PIGZ: variants seen among roughly 807,000 people sequenced by gnomAD.
PIGZ encodes the protein GPI alpha-1,2-mannosyltransferase 4.
In PIGZ, 16 loss-of-function variants were observed where a neutral mutation model predicts 16.4. The ratio of observed to expected loss-of-function variants is 0.97; its 90% CI spans 0.66 to 1.48. The LOEUF (loss-of-function observed/expected upper bound fraction) is 1.48, where lower values mean the gene tolerates loss of function less well. Ranked by LOEUF, PIGZ falls within the 40% of genes most tolerant of loss-of-function variation. The pLI is 0.00. For missense variants in PIGZ, 770 were observed against 739.2 expected, an observed-to-expected ratio of 1.04 and a Z score of -0.48; for synonymous variants, 409 against 338.4, an observed-to-expected ratio of 1.21 and a Z score of -2.29.
intron 1 of PIGZ, among the ~76,000 whole-genome samples, chr3:196,952,823 A>G (rs1211466392): frequency 6.6e-6 from 1 of 152,086 alleles, no homozygotes; most frequent in Non-Finnish European, 1.5e-5. Context: ...TCTGAATAAA[A>G]CAGAAAGGTG....
At chr3:196,953,990 C>CA (rs11295143) in intron 1 of PIGZ, among the ~76,000 whole-genome samples, 1,604 of 145,386 alleles carry the variant, frequency 0.011, 19 homozygotes, top group South Asian at 0.064. Flanking sequence ...AAGACCCTGT[C>CA]AAAAAAAAAA....
At chr3:196,949,256 G>A (rs1717164490) in intron 2 of PIGZ, among the ~76,000 whole-genome samples, 3 of 151,920 alleles carry the variant, frequency 2.0e-5, no homozygotes, top group Non-Finnish European at 4.4e-5. Context: ...CCTGAGATTA[G>A]GTTACTTATA....
At chr3:196,952,161 G>T in intron 1 of PIGZ, 130 bp from the exon 2 acceptor site, 1 of 889,040 alleles carries the variant, frequency 1.1e-6, no homozygotes, top group Non-Finnish European at 1.7e-6. Context: ...CATACTCTAT[G>T]CCCACTAACT....
At chr3:196,963,983 A>G (rs1717818801) in intron 1 of PIGZ, among the ~76,000 whole-genome samples, 1 of 152,152 alleles carries the variant, frequency 6.6e-6, no homozygotes, top group Non-Finnish European at 1.5e-5. Flanking sequence ...GATAATAATA[A>G]GGAATAGTAT....
chr3:196,957,171 TTGTGTG>T (rs3042833), intron 1 of PIGZ, among the ~76,000 whole-genome samples: 29 of 146,702 alleles, frequency 2.0e-4, no homozygotes, highest in African/African-American at 2.8e-4. Flanking sequence ...GCTCCAGGTT[TTGTGTG>T]TGTGTGTGTG....
intron 1 of PIGZ, among the ~76,000 whole-genome samples, chr3:196,953,642 C>T (rs868385241): frequency 6.6e-6 from 1 of 152,204 alleles, no homozygotes; most frequent in Non-Finnish European, 1.5e-5. Context: ...CCTGCTTGTC[C>T]CTCCTCCAGA....
Position 196,951,825 on chromosome 3 carries a change from C to CATCA in PIGZ, c.203_206dup (p.Met69IlefsTer114). 1 of 1,614,124 alleles carries CATCA rather than the reference C, an allele frequency of 6.2e-7. No individual in the cohort carries two copies. The highest frequency in any genetic ancestry group is 8.5e-7 in the Non-Finnish European group (1 of 1,180,020). ...GCCACACATGCGGAGTTTTACCTGC[C>CATCA]ATCACCTCAGGGGACTGGAAGAACT... On this transcript the variant is annotated frameshift_variant, in exon 2 of 3. Transcript: ENST00000412723. LOFTEE classifies it low-confidence loss of function (END_TRUNC).
At chr3:196,952,850 G>T (rs1011254422) in intron 1 of PIGZ, among the ~76,000 whole-genome samples, 1 of 152,168 alleles carries the variant, frequency 6.6e-6, no homozygotes, top group African/African-American at 2.4e-5. Flanking sequence ...GGGTGAATTT[G>T]CACTCTCTTC....
rs778334188 is a variant in PIGZ, at chr3:196,948,087, C to A, written c.810G>T (p.Ala270=). The change falls in exon 3 of 3, where the codon GCG becomes GCT. Residue 270 remains alanine (A), a synonymous_variant. Coordinates refer to ENST00000412723, the MANE Select transcript of PIGZ (RefSeq NM_025163.4). ...VLLPGAALTA[A]VFVATDSWYF... The stretch of plus-strand genomic sequence containing the variant: ...ACCAGCTGTCCGTGGCCACAAACAC[C>A]GCTGCTGTGAGGGCTGCCCCAGGGA... 6.3e-7 allele frequency: 1 copy of A among 1,590,252 alleles called. No individual in the cohort carries two copies. Among genetic ancestry groups the A allele is most frequent in the South Asian group, 1.1e-5 (1 of 87,824 alleles).
At chr3:196,962,547 T>A (rs73208212) in intron 1 of PIGZ, among the ~76,000 whole-genome samples, 1,689 of 152,038 alleles carry the variant, frequency 0.011, 16 homozygotes, top group Non-Finnish European at 0.019. Context: ...CATGATCCCC[T>A]GGGAATGGAA....
intron 2 of PIGZ, among the ~76,000 whole-genome samples, chr3:196,949,652 C>T (rs1397355988): frequency 1.3e-5 from 2 of 152,166 alleles, no homozygotes; most frequent in African/African-American, 2.4e-5. Flanking sequence ...TTGAGCTGCT[C>T]GTAGGATTTT....
chr3:196,957,171 T>TTGTG (rs3042833), intron 1 of PIGZ, among the ~76,000 whole-genome samples: 30,412 of 146,534 alleles, frequency 0.21, 3,152 homozygotes, highest in Middle Eastern at 0.32. Context: ...GCTCCAGGTT[T>TTGTG]TGTGTGTGTG....
Position 196,967,256 on chromosome 3 carries a change from C to T in PIGZ, c.-1+1431G>A, listed in dbSNP as rs530373815. On this transcript the variant is annotated intron_variant, in intron 1 of 2. Coordinates refer to ENST00000412723, the MANE Select transcript of PIGZ (RefSeq NM_025163.4). ...AGGGCCTGGGCCCGCTTTGGGTGCC[C>T]TGTTTCTCCGGCGCCCAGGTGTGTG... Among the ~76,000 whole-genome samples, 37 of 152,292 alleles carry T rather than the reference C, an allele frequency of 2.4e-4. No individual in the cohort carries two copies. The South Asian group carries it at 7.2e-3, about 30-fold the overall frequency.
At chr3:196,962,510 T>C (rs1226641819) in intron 1 of PIGZ, among the ~76,000 whole-genome samples, 1 of 152,158 alleles carries the variant, frequency 6.6e-6, no homozygotes, top group Non-Finnish European at 1.5e-5. Flanking sequence ...GAAGGCCTCT[T>C]TGCAGTTAAG....
chr3:196,955,029 G>A (rs910623411), intron 1 of PIGZ, among the ~76,000 whole-genome samples: 3 of 152,020 alleles, frequency 2.0e-5, no homozygotes, highest in African/African-American at 4.8e-5. Flanking sequence ...GGGATCAAGC[G>A]ATCCTCTGAC....
rs143124347 is a variant in PIGZ, at chr3:196,947,622, G to A, written c.1275C>T (p.Leu425=). ...CCCCCTGATGCAGGCAGCCGAAGAG[G>A]AGGGCACCGAGGGCGTTGAAGAGGA... The part of the protein sequence containing the change: ...TVVLFNALGA[L]LFGCLHQGGL... Residue 425 remains leucine (L), a synonymous_variant, in exon 3 of 3, where the codon CTC becomes CTT. Coordinates refer to ENST00000412723, the MANE Select transcript of PIGZ (RefSeq NM_025163.4). The A allele has an allele frequency of 6.2e-7, 1 of 1,612,914 alleles. No individual in the cohort carries two copies. Among genetic ancestry groups the A allele is most frequent in the Non-Finnish European group, 8.5e-7 (1 of 1,179,310 alleles).
At position 196,948,482 on chromosome 3, in the gene PIGZ, C is replaced by G; in HGVS notation, c.415G>C (p.Ala139Pro). The G allele has an allele frequency of 6.2e-7, 1 of 1,613,752 alleles. No homozygotes were observed. The highest frequency in any genetic ancestry group is 8.5e-7 in the Non-Finnish European group (1 of 1,179,892). The change falls in exon 3 of 3, where the codon GCT (alanine) becomes CCT (proline). Residue 139 changes from alanine to proline, a missense_variant. By Grantham distance (27) the Ala-to-Pro change is conservative. Coordinates refer to ENST00000412723, the MANE Select transcript of PIGZ (RefSeq NM_025163.4). ...PRLLLTALSF[A>P]LDGAVYHLAP... ...AGGTGGTACACGGCCCCGTCCAGAG[C>G]AAAGGAAAGGGCAGTGAGGAGGAGT...
In PIGZ at chr3:196,968,805, G is replaced by C. The variant is rs1483599172; in HGVS notation, c.-119C>G. On this transcript the variant is annotated 5_prime_UTR_variant, in exon 1 of 3. Transcript: ENST00000412723. ...GGGCGGAGGGGAGGCCGTGGGAGCG[G>C]CCGGGCGCGCCTCAGCAGCGCGGAG... The C allele has an allele frequency of 6.6e-6, 1 of 150,676 alleles. No individual in the cohort carries two copies. The highest frequency in any genetic ancestry group is 1.9e-4 in the East Asian group (1 of 5,180). The allele number at this position is 150,676 out of a possible 1,614,324, so 9.3% of individuals were successfully genotyped here.
At chr3:196,968,129 G>T (rs947836210) in intron 1 of PIGZ, among the ~76,000 whole-genome samples, 1 of 152,142 alleles carries the variant, frequency 6.6e-6, no homozygotes, top group Non-Finnish European at 1.5e-5. Context: ...TGCTTTTTGC[G>T]CGCCCCCATG....
Sources: gnomAD v4.1 joint callset for allele counts (sites outside exome capture counted in the v4.1 genomes callset) on GRCh38, gnomAD v4.1.1 for gene constraint, MANE v1.5 for transcripts, NCBI Gene and HGNC (gene_info 2026-07-23, HGNC 2026-07-21) for gene names.